PRKCA: variants seen among roughly 807,000 people sequenced by gnomAD.
The protein encoded by PRKCA is protein kinase C alpha type.
PRKCA carries 27 observed loss-of-function variants against 87.0 expected under a neutral mutation model. The observed-to-expected ratio is 0.31, with a 90% CI of 0.23 to 0.43. PRKCA has a LOEUF of 0.43. PRKCA is among the 20% of genes least tolerant of loss of function. The pLI is 1.00. For synonymous variants in PRKCA, 329 were observed against 311.1 expected (o/e 1.06, Z -0.61); for missense variants, 518 against 852.3 (o/e 0.61, Z 4.88).
intron 4 of PRKCA, among the ~76,000 whole-genome samples, chr17:66,644,798 C>G (rs1971408787): frequency 6.6e-6 from 1 of 151,860 alleles, no homozygotes; most frequent in Non-Finnish European, 1.5e-5. Flanking sequence ...CAGTGGTAAG[C>G]CCAGAATGAC....
At chr17:66,500,852 G>A (rs1567861154) in intron 3 of PRKCA, among the ~76,000 whole-genome samples, 2 of 152,170 alleles carry the variant, frequency 1.3e-5, no homozygotes, top group Non-Finnish European at 2.9e-5. Context: ...CCTGCTGGCA[G>A]GCTCAGTGAG....
chr17:66,691,302 T>G (rs1050495155), intron 8 of PRKCA, among the ~76,000 whole-genome samples: 17 of 152,162 alleles, frequency 1.1e-4, no homozygotes, highest in African/African-American at 3.9e-4. Context: ...TTATATATAT[T>G]ACAATATGTA....
intron 2 of PRKCA, among the ~76,000 whole-genome samples, chr17:66,426,672 C>T (rs895989553): frequency 6.6e-6 from 1 of 152,220 alleles, no homozygotes; most frequent in Non-Finnish European, 1.5e-5. Context: ...TGGGTAAATC[C>T]TGACTGCTTT....
chr17:66,305,309 A>G (rs1274472776), intron 1 of PRKCA, among the ~76,000 whole-genome samples: 1 of 152,238 alleles, frequency 6.6e-6, no homozygotes, highest in Non-Finnish European at 1.5e-5. Flanking sequence ...TTTTAAAAGT[A>G]TGTGAAATAC....
intron 8 of PRKCA, among the ~76,000 whole-genome samples, chr17:66,729,197 T>C (rs1171512209): frequency 6.6e-6 from 1 of 151,844 alleles, no homozygotes; most frequent in Non-Finnish European, 1.5e-5. Context: ...GGATCAGGAG[T>C]TCGAGACCAA....
chr17:66,685,294 C>T (rs1972597440), intron 5 of PRKCA, among the ~76,000 whole-genome samples: 1 of 152,162 alleles, frequency 6.6e-6, no homozygotes, highest in Admixed American at 6.5e-5. Flanking sequence ...GAGACAGAGG[C>T]TCAGAGACTA....
At chr17:66,357,342 A>G (rs1383510835) in intron 2 of PRKCA, among the ~76,000 whole-genome samples, 2 of 152,162 alleles carry the variant, frequency 1.3e-5, no homozygotes, top group Non-Finnish European at 2.9e-5. Context: ...ATACTTTTTA[A>G]TGGCAATGAG....
At chr17:66,339,809 C>T (rs931164966) in intron 2 of PRKCA, 2 of 152,154 alleles carry the variant, frequency 1.3e-5, no homozygotes, top group African/African-American at 4.8e-5. Context: ...CAAACAGTGG[C>T]AGCTTGCCTC....
chr17:66,376,714 G>A (rs1219300513), intron 2 of PRKCA, among the ~76,000 whole-genome samples: 1 of 152,118 alleles, frequency 6.6e-6, no homozygotes, highest in Non-Finnish European at 1.5e-5. Flanking sequence ...TAGACTTCAT[G>A]TACCAGTTCA....
At chr17:66,707,634 G>A (rs1356037841) in intron 8 of PRKCA, among the ~76,000 whole-genome samples, 1 of 152,178 alleles carries the variant, frequency 6.6e-6, no homozygotes, top group Non-Finnish European at 1.5e-5. Context: ...CTAACTGGTG[G>A]ATGCTGCATC....
chr17:66,526,093 A>G (rs1321528658), intron 3 of PRKCA, among the ~76,000 whole-genome samples: 1 of 152,232 alleles, frequency 6.6e-6, no homozygotes, highest in Non-Finnish European at 1.5e-5. Context: ...ATTGCTCTAC[A>G]GAAATCTGTT....
intron 14 of PRKCA, among the ~76,000 whole-genome samples, chr17:66,786,236 G>C (rs8072956): frequency 0.54 from 82,537 of 152,098 alleles, 25,558 homozygotes; most frequent in African/African-American, 0.86. Context: ...AAGCCACAAG[G>C]TCCCACGGGG....
At chr17:66,463,162 A>T (rs1188320645) in intron 2 of PRKCA, among the ~76,000 whole-genome samples, 1 of 152,162 alleles carries the variant, frequency 6.6e-6, no homozygotes, top group Non-Finnish European at 1.5e-5. Context: ...ACCGGGAGAC[A>T]GGCAACATGT....
intron 3 of PRKCA, among the ~76,000 whole-genome samples, chr17:66,624,520 G>T (rs2143709799): frequency 6.6e-6 from 1 of 152,272 alleles, no homozygotes; most frequent in African/African-American, 2.4e-5. Context: ...GAATTATTTG[G>T]CCAGGCGTGG....
chr17:66,663,195 G>A lies in PRKCA; in HGVS notation c.529+17684G>A, dbSNP rs372639056. ...AAGAACAGCTTCCTGCTCCTCTCCA[G>A]CCTCAAAGGTTCATGCGCCTTGTCC... On this transcript the variant is annotated intron_variant, in intron 5 of 16. Coordinates refer to ENST00000413366, the MANE Select transcript of PRKCA (RefSeq NM_002737.3). 1.8e-4 allele frequency among the ~76,000 whole-genome samples: 27 copies of A among 152,314 alleles called. No individual in the cohort carries two copies. In the East Asian group the frequency reaches 1.9e-3, roughly 11 times the overall value.
At chr17:66,321,845 A>C (rs1353504522) in intron 2 of PRKCA, among the ~76,000 whole-genome samples, 1 of 152,178 alleles carries the variant, frequency 6.6e-6, no homozygotes, top group African/African-American at 2.4e-5. Flanking sequence ...TTGTCTTAAA[A>C]AAATCTTTGA....
intron 3 of PRKCA, among the ~76,000 whole-genome samples, chr17:66,510,799 G>T (rs1032256212): frequency 6.6e-6 from 1 of 152,056 alleles, no homozygotes; most frequent in Non-Finnish European, 1.5e-5. Flanking sequence ...AAGCTGGAGT[G>T]CAGTGGCCCA....
At chr17:66,446,453 T>A (rs1428891319) in intron 2 of PRKCA, among the ~76,000 whole-genome samples, 3 of 152,208 alleles carry the variant, frequency 2.0e-5, no homozygotes, top group Non-Finnish European at 4.4e-5. Flanking sequence ...GCATTTTCAA[T>A]GTCTTCTGTC....
intron 8 of PRKCA, among the ~76,000 whole-genome samples, chr17:66,732,459 G>C (rs1973925593): frequency 6.6e-6 from 1 of 152,206 alleles, no homozygotes; most frequent in African/African-American, 2.4e-5. Context: ...ACTGTGTAAA[G>C]AGTTGTCTCT....
Sources: gnomAD v4.1 joint callset for allele counts (sites outside exome capture counted in the v4.1 genomes callset) on GRCh38, gnomAD v4.1.1 for gene constraint, MANE v1.5 for transcripts, NCBI Gene and HGNC (gene_info 2026-07-23, HGNC 2026-07-21) for gene names.